Variants in SLC22A8 observed in about 807,000 individuals in gnomAD.
SLC22A8 encodes organic anion transporter 3.
SLC22A8 carries 40 observed loss-of-function variants against 48.4 expected under a neutral mutation model. The observed-to-expected ratio is 0.83, with a 90% CI of 0.64 to 1.08. The LOEUF is 1.08. Ranked by LOEUF, SLC22A8 falls within the 50% of genes least tolerant of loss-of-function variation. The pLI is 0.00. For missense variants in SLC22A8, 606 were observed against 699.0 expected, an observed-to-expected ratio of 0.87 and a Z score of 1.50; for synonymous variants, 268 against 286.3, an observed-to-expected ratio of 0.94 and a Z score of 0.65.
chr11:63,000,458 T>C (rs557354267), intron 3 of SLC22A8, among the ~76,000 whole-genome samples: 1 of 136,686 alleles, frequency 7.3e-6, no homozygotes, highest in East Asian at 2.2e-4. Flanking sequence ...CACTCCAGCC[T>C]GGGCAATAAG....
intron 2 of SLC22A8, among the ~76,000 whole-genome samples, chr11:63,009,864 G>T (rs1372463164): frequency 6.6e-6 from 1 of 152,162 alleles, no homozygotes; most frequent in Admixed American, 6.5e-5. Context: ...ACTGAAGCTG[G>T]AGTGGCGAGG....
At chr11:62,993,359 A>G in intron 10 of SLC22A8, 23 bp from the exon 11 acceptor site, 1 of 1,613,720 alleles carries the variant, frequency 6.2e-7, no homozygotes, top group Non-Finnish European at 8.5e-7. Flanking sequence ...AGCTAAGGAA[A>G]AGCCCTGGGC....
intron 3 of SLC22A8, among the ~76,000 whole-genome samples, chr11:63,000,172 T>A (rs1323900207): frequency 6.6e-6 from 1 of 151,260 alleles, no homozygotes; most frequent in African/African-American, 2.4e-5. Flanking sequence ...AACCTGGAGG[T>A]TTTTTCCCCT....
chr11:62,998,886 C>A, intron 5 of SLC22A8, 35 bp downstream of exon 5: 1 of 1,572,614 alleles, frequency 6.4e-7, no homozygotes, highest in South Asian at 1.2e-5. Context: ...CCTGGGGCAC[C>A]TAAGGAAACA....
At chr11:63,010,189 C>T (rs779666922) in intron 2 of SLC22A8, among the ~76,000 whole-genome samples, 1 of 152,200 alleles carries the variant, frequency 6.6e-6, no homozygotes, top group Admixed American at 6.5e-5. Context: ...CTCACACTTG[C>T]TTTCTTAGCC....
intron 2 of SLC22A8, among the ~76,000 whole-genome samples, chr11:63,002,584 T>G (rs926036259): frequency 6.6e-6 from 1 of 152,064 alleles, no homozygotes; most frequent in Non-Finnish European, 1.5e-5. Flanking sequence ...TCTACTTCTG[T>G]GAATTGGACT....
At chr11:62,997,281 A>G (rs1022959434) in intron 5 of SLC22A8, among the ~76,000 whole-genome samples, 1 of 152,038 alleles carries the variant, frequency 6.6e-6, no homozygotes, top group Non-Finnish European at 1.5e-5. Flanking sequence ...CTGGAGTGCA[A>G]TGGCATGATC....
At position 63,008,785 on chromosome 11, in the gene SLC22A8, G is replaced by A. The variant is rs898610778; in HGVS notation, c.333+5841C>T. 3.9e-5 allele frequency among the ~76,000 whole-genome samples: 6 copies of A among 152,108 alleles called. No individual in the cohort carries two copies. In the East Asian group the frequency reaches 5.8e-4, roughly 15 times the overall value. The stretch of plus-strand genomic sequence containing the variant: ...TAGTCAGGACCTCCCAACACCCCCC[G>A]TCTTCTGTAAAAGCTTGACCCACCA... On this transcript the variant is annotated intron_variant, in intron 2 of 10. Coordinates refer to ENST00000336232, the MANE Select transcript of SLC22A8 (RefSeq NM_004254.4).
intron 2 of SLC22A8, among the ~76,000 whole-genome samples, chr11:63,005,205 C>T (rs1013739362): frequency 3.9e-5 from 6 of 152,202 alleles, no homozygotes; most frequent in African/African-American, 1.4e-4. Flanking sequence ...CACATCAGAA[C>T]TGATGAGAAA....
At chr11:63,003,811 A>G (rs1181056057) in intron 2 of SLC22A8, among the ~76,000 whole-genome samples, 3 of 152,198 alleles carry the variant, frequency 2.0e-5, no homozygotes, top group Admixed American at 6.5e-5. Context: ...GGTGACAACT[A>G]GAACAACTCT....
chr11:63,008,472 G>A (rs1444086989), intron 2 of SLC22A8, among the ~76,000 whole-genome samples: 2 of 152,166 alleles, frequency 1.3e-5, no homozygotes, highest in African/African-American at 2.4e-5. Context: ...CAGTCAAAAA[G>A]ACATCAGTTT....
intron 2 of SLC22A8, among the ~76,000 whole-genome samples, chr11:63,004,118 G>T (rs886916043): frequency 6.6e-6 from 1 of 152,154 alleles, no homozygotes; most frequent in African/African-American, 2.4e-5. Flanking sequence ...AAGGTTTCAG[G>T]CTGCTGTCCT....
chr11:62,999,661 C>T (rs1009554911), intron 4 of SLC22A8, 27 bp downstream of exon 4: 3 of 1,484,040 alleles, frequency 2.0e-6, no homozygotes, highest in Admixed American at 2.2e-5. Context: ...TCCCCAAAGC[C>T]CAGCTCCATG....
rs372907174 is a variant in SLC22A8 at position 63,014,975 on chromosome 11, G to A, written c.-17C>T. 1.3e-6 allele frequency: 2 copies of A among 1,530,160 alleles called. No homozygotes were observed. The highest frequency in any genetic ancestry group is 1.8e-6 in the Non-Finnish European group (2 of 1,134,302). The allele number at this position is 1,530,160 out of a possible 1,614,324, so 94.8% of individuals were successfully genotyped here. A position where few individuals can be genotyped will look rare whatever the true frequency, so the allele number is the denominator to read the frequency against. Reference sequence around the variant, plus strand: ...GAAGGTCATGGCACTGGGGCAAGACGAGCCAGAGCTGTGGGCAGGGCATAG... The same window carrying A: ...GAAGGTCATGGCACTGGGGCAAGACAAGCCAGAGCTGTGGGCAGGGCATAG... On this transcript the variant is annotated 5_prime_UTR_variant, in exon 2 of 11. Coordinates refer to ENST00000336232, the MANE Select transcript of SLC22A8 (RefSeq NM_004254.4).
intron 2 of SLC22A8, among the ~76,000 whole-genome samples, chr11:63,006,891 G>A (rs2086563081): frequency 6.6e-6 from 1 of 151,950 alleles, no homozygotes; most frequent in South Asian, 2.1e-4. Flanking sequence ...ACAGGCGTGA[G>A]CCACCGCGCC....
intron 7 of SLC22A8, 97 bp downstream of exon 7, chr11:62,995,607 T>A: frequency 1.2e-6 from 1 of 840,152 alleles, no homozygotes; most frequent in Non-Finnish European, 2.0e-6. Flanking sequence ...CTGACTTCTC[T>A]TTCAGATGCC....
chr11:62,994,761 G>C lies in SLC22A8; in HGVS notation c.1002-5C>G, dbSNP rs764077177. The C allele has an allele frequency of 3.7e-6, 6 of 1,613,430 alleles. No individual in the cohort carries two copies. The highest frequency in any genetic ancestry group is 5.1e-6 in the Non-Finnish European group (6 of 1,179,448). On this transcript the variant is annotated splice_polypyrimidine_tract_variant and splice_region_variant and intron_variant, in intron 7 of 10. Transcript: ENST00000336232. The stretch of plus-strand genomic sequence containing the variant: ...TAGGCAAAACCGGTAGCAAACCTGA[G>C]AGGCAGAGAAGGATTGGTTAGCACC...
intron 2 of SLC22A8, among the ~76,000 whole-genome samples, chr11:63,006,510 A>G (rs58077467): frequency 0.23 from 33,785 of 148,052 alleles, 4,377 homozygotes; most frequent in South Asian, 0.46. Context: ...TAGGGCACCT[A>G]TTACATGGCA....
At position 62,993,769 on chromosome 11, in the gene SLC22A8, C is replaced by G; in HGVS notation, c.1325+1G>C. The G allele has an allele frequency of 6.2e-7, 1 of 1,610,248 alleles. No individual in the cohort carries two copies. On this transcript the variant is annotated splice_donor_variant, in intron 9 of 10. Transcript: ENST00000336232. LOFTEE classifies it high-confidence loss of function. ...GGCCTGGCCCCAGGTCCAGCACCTA[C>G]CTGATGACTGTGGGGTATAATTCAC...
Sources: allele counts gnomAD v4.1 joint callset (sites outside exome capture counted in the v4.1 genomes callset), GRCh38; gene constraint gnomAD v4.1.1; transcripts MANE v1.5; gene names NCBI Gene and HGNC (gene_info 2026-07-23, HGNC 2026-07-21).